The following CSMD1 variants were observed in gnomAD, a reference collection of about 807,000 sequenced individuals.
CSMD1 encodes the protein CUB and sushi domain-containing protein 1.
A neutral mutation model predicts 417.5 loss-of-function variants in CSMD1; 213 were observed. The ratio of observed to expected loss-of-function variants is 0.51; its 90% CI spans 0.46 to 0.57. The LOEUF is 0.57. CSMD1 is among the 20% of genes least tolerant of loss of function. The probability of loss-of-function intolerance (pLI) is 0.00; values close to 1 mark genes in which losing one functional copy is unlikely to be tolerated. For synonymous variants in CSMD1, 2,862 were observed against 1,736.8 expected, an observed-to-expected ratio of 1.65 and a Z score of -16.11; for missense variants, 6,923 against 4,529.7, an observed-to-expected ratio of 1.53 and a Z score of -15.17.
intron 37 of CSMD1, among the ~76,000 whole-genome samples, chr8:3,176,517 G>A (rs1002927482): frequency 6.6e-6 from 1 of 152,022 alleles, no homozygotes; most frequent in Non-Finnish European, 1.5e-5. Context: ...AAACCCCTAA[G>A]ACCCTTAAAA....
At chr8:4,605,737 G>C (rs1800833319) in intron 2 of CSMD1, among the ~76,000 whole-genome samples, 1 of 152,120 alleles carries the variant, frequency 6.6e-6, no homozygotes, top group African/African-American at 2.4e-5. Flanking sequence ...CACGATCTGT[G>C]ACTTGTAAAT....
intron 7 of CSMD1, among the ~76,000 whole-genome samples, chr8:3,622,440 T>A (rs1254814552): frequency 6.6e-6 from 1 of 152,192 alleles, no homozygotes; most frequent in Non-Finnish European, 1.5e-5. Context: ...CACTTGCATG[T>A]CTCCTTTTCT....
At chr8:3,130,358 C>G (rs1353816099) in intron 41 of CSMD1, among the ~76,000 whole-genome samples, 1 of 152,094 alleles carries the variant, frequency 6.6e-6, no homozygotes, top group African/African-American at 2.4e-5. Context: ...CGAGGCGATG[C>G]AGGTGTGTTG....
intron 25 of CSMD1, among the ~76,000 whole-genome samples, chr8:3,287,471 A>G (rs1398148472): frequency 7.2e-5 from 11 of 151,970 alleles, no homozygotes; most frequent in African/African-American, 1.5e-4. Context: ...ATCCTCTTTT[A>G]TTTCCTTGAG....
chr8:4,872,554 A>C (rs771431399), intron 1 of CSMD1, among the ~76,000 whole-genome samples: 66 of 151,948 alleles, frequency 4.3e-4, no homozygotes, highest in Non-Finnish European at 9.0e-4. Flanking sequence ...GGCTTCCCCA[A>C]CCCTGCAGAA....
Position 2,937,451 on chromosome 8 carries a change from A to AC in CSMD1, c.*1133_*1134insG, listed in dbSNP as rs35130222. Reference sequence around the variant, plus strand: ...ACAGTAAAAGACAAAAAAAAAAAAAAACAAAAAAAAAACACTGCAAAAGGG... The same window carrying AC: ...ACAGTAAAAGACAAAAAAAAAAAAAACACAAAAAAAAAACACTGCAAAAGGG... On this transcript the variant is annotated 3_prime_UTR_variant, in exon 70 of 70. Coordinates refer to ENST00000635120, the MANE Select transcript of CSMD1 (RefSeq NM_033225.6). The AC allele has an allele frequency of 6.8e-5, 5 of 73,862 alleles. No homozygotes were observed. Among genetic ancestry groups the AC allele is most frequent in the Admixed American group, 6.1e-4 (4 of 6,510 alleles). The allele number at this position is 73,862 out of a possible 1,614,324, so 4.6% of individuals were successfully genotyped here. A position where few individuals can be genotyped will look rare whatever the true frequency, so the allele number is the denominator to read the frequency against.
intron 2 of CSMD1, among the ~76,000 whole-genome samples, chr8:4,552,597 T>C (rs28540007): frequency 0.013 from 1,914 of 152,216 alleles, 21 homozygotes; most frequent in Non-Finnish European, 0.02. Flanking sequence ...AATGGACTTC[T>C]GGAATCACAG....
chr8:3,955,685 G>C (rs575632406), intron 5 of CSMD1, among the ~76,000 whole-genome samples: 335 of 152,218 alleles, frequency 2.2e-3, no homozygotes, highest in African/African-American at 7.7e-3. Flanking sequence ...AGAGGATGAG[G>C]AAAGAGGATG....
At chr8:4,906,592 T>G (rs1177754339) in intron 1 of CSMD1, among the ~76,000 whole-genome samples, 2 of 98,998 alleles carry the variant, frequency 2.0e-5, no homozygotes, top group Non-Finnish European at 4.4e-5. Context: ...TTTCCCCCAC[T>G]TTGTCGACCA....
chr8:3,629,361 A>G (rs2117242170), intron 7 of CSMD1, among the ~76,000 whole-genome samples: 1 of 152,278 alleles, frequency 6.6e-6, no homozygotes, highest in East Asian at 1.9e-4. Context: ...AGCGTCCTCC[A>G]TTATTTATAT....
intron 1 of CSMD1, among the ~76,000 whole-genome samples, chr8:4,715,170 C>T (rs556212545): frequency 6.6e-6 from 1 of 152,086 alleles, no homozygotes; most frequent in Non-Finnish European, 1.5e-5. Flanking sequence ...TTTAGTTATT[C>T]TATTATTTCG....
intron 46 of CSMD1, among the ~76,000 whole-genome samples, chr8:3,098,305 AT>A (rs753156576): frequency 1.3e-5 from 2 of 152,236 alleles, no homozygotes; most frequent in African/African-American, 2.4e-5. Flanking sequence ...TTATACATAC[AT>A]TTCAAGATAG....
intron 51 of CSMD1, among the ~76,000 whole-genome samples, chr8:3,025,551 G>A (rs1379287205): frequency 2.0e-5 from 3 of 152,192 alleles, no homozygotes; most frequent in Non-Finnish European, 2.9e-5. Context: ...AAGAACTCCT[G>A]GACTTCTCTG....
intron 49 of CSMD1, among the ~76,000 whole-genome samples, chr8:3,056,602 T>C (rs2128991600): frequency 6.6e-6 from 1 of 152,254 alleles, no homozygotes; most frequent in African/African-American, 2.4e-5. Context: ...ACTCCTGGGC[T>C]CAAGCCATCC....
Position 3,087,295 on chromosome 8 carries a change from G to C in CSMD1, c.7286-10C>G, listed in dbSNP as rs765478090. 5.6e-6 allele frequency: 9 copies of C among 1,612,014 alleles called. No individual in the cohort carries two copies. The highest frequency in any genetic ancestry group is 5.0e-5 in the Admixed American group (3 of 60,006). On this transcript the variant is annotated splice_polypyrimidine_tract_variant and intron_variant, in intron 48 of 69. Transcript: ENST00000635120. ...AAACTGCAGTAAGGTGCTGTGGGCA[G>C]ACAGACACACACAGAAATAAGTCAA...
intron 3 of CSMD1, among the ~76,000 whole-genome samples, chr8:4,033,545 C>G (rs760578775): frequency 1.3e-5 from 2 of 152,178 alleles, no homozygotes; most frequent in Non-Finnish European, 2.9e-5. Context: ...CAATGTATAT[C>G]TGAAGTGTAT....
chr8:4,109,515 T>A (rs144583518), intron 3 of CSMD1, among the ~76,000 whole-genome samples: 5 of 152,282 alleles, frequency 3.3e-5, no homozygotes, highest in African/African-American at 7.2e-5. Context: ...TAAGTAGACT[T>A]ATTGTCAGTA....
At chr8:3,413,988 A>T (rs1445857508) in intron 12 of CSMD1, among the ~76,000 whole-genome samples, 1 of 151,716 alleles carries the variant, frequency 6.6e-6, no homozygotes, top group East Asian at 1.9e-4. Context: ...AAAATACAAA[A>T]ATTAGCCGGG....
At chr8:3,894,706 A>T (rs917973001) in intron 5 of CSMD1, among the ~76,000 whole-genome samples, 14 of 152,252 alleles carry the variant, frequency 9.2e-5, no homozygotes, top group African/African-American at 3.4e-4. Flanking sequence ...CCTGCCTCCA[A>T]CTATATGAAT....
Sources: gnomAD v4.1 joint callset for allele counts (sites outside exome capture counted in the v4.1 genomes callset) on GRCh38, gnomAD v4.1.1 for gene constraint, MANE v1.5 for transcripts, NCBI Gene and HGNC (gene_info 2026-07-23, HGNC 2026-07-21) for gene names.